ZNF521: variants seen among roughly 807,000 people sequenced by gnomAD.
The protein encoded by ZNF521 is LYST-interacting protein 3.
In ZNF521, 14 loss-of-function variants were observed where a neutral mutation model predicts 105.5. The ratio of observed to expected loss-of-function variants is 0.13; its 90% CI spans 0.09 to 0.21. ZNF521 has a LOEUF of 0.21. Among genes scored for constraint, ZNF521 ranks in the 10% least tolerant of loss-of-function variants. The pLI is 1.00. For synonymous variants in ZNF521, 635 were observed against 606.0 expected, an observed-to-expected ratio of 1.05 and a Z score of -0.70; for missense variants, 1,233 against 1,629.7, an observed-to-expected ratio of 0.76 and a Z score of 4.19.
intron 5 of ZNF521, among the ~76,000 whole-genome samples, chr18:25,169,306 A>G (rs1026483672): frequency 5.3e-5 from 8 of 152,186 alleles, no homozygotes. Flanking sequence ...TGAGAGTTGC[A>G]TGAAAGTGCC....
chr18:25,069,566 C>T (rs1426649302), intron 7 of ZNF521, among the ~76,000 whole-genome samples: 1 of 152,256 alleles, frequency 6.6e-6, no homozygotes, highest in South Asian at 2.1e-4. Context: ...TATATAATTC[C>T]TGGCTGAGGA....
At chr18:25,269,508 C>T (rs538456205) in intron 3 of ZNF521, among the ~76,000 whole-genome samples, 1 of 152,284 alleles carries the variant, frequency 6.6e-6, no homozygotes, top group East Asian at 1.9e-4. Flanking sequence ...CACCACGTAG[C>T]ACTTATTCTA....
intron 5 of ZNF521, among the ~76,000 whole-genome samples, chr18:25,190,597 A>C (rs2035801617): frequency 6.6e-6 from 1 of 152,218 alleles, no homozygotes; most frequent in South Asian, 2.1e-4. Flanking sequence ...AATGCTTCAG[A>C]GGTGATACTG....
At chr18:25,329,276 C>T (rs112899836) in intron 2 of ZNF521, among the ~76,000 whole-genome samples, 8 of 110,336 alleles carry the variant, frequency 7.3e-5, no homozygotes, top group African/African-American at 2.9e-4. Flanking sequence ...TGGTTTTGTC[C>T]ATTTACCCAA....
chr18:25,247,038 C>A (rs574193363), intron 3 of ZNF521, among the ~76,000 whole-genome samples: 1 of 152,176 alleles, frequency 6.6e-6, no homozygotes, highest in Non-Finnish European at 1.5e-5. Context: ...TAGCTACCAC[C>A]CCAGTCCTGC....
intron 3 of ZNF521, among the ~76,000 whole-genome samples, chr18:25,278,771 T>C (rs1483999788): frequency 6.6e-6 from 1 of 152,202 alleles, no homozygotes; most frequent in Non-Finnish European, 1.5e-5. Context: ...TTCTCCACTT[T>C]TAACAAATAA....
chr18:25,081,087 C>T (rs1307798082), intron 7 of ZNF521, among the ~76,000 whole-genome samples: 3 of 151,470 alleles, frequency 2.0e-5, no homozygotes, highest in Non-Finnish European at 4.4e-5. Context: ...GCCAGCAGAG[C>T]CCAGCCAAAG....
At chr18:25,220,800 T>C (rs1451790511) in intron 4 of ZNF521, among the ~76,000 whole-genome samples, 1 of 152,198 alleles carries the variant, frequency 6.6e-6, no homozygotes, top group East Asian at 1.9e-4. Context: ...AATACGTGTT[T>C]CCAAAATCTA....
rs966387047 is a variant in ZNF521, at chr18:25,110,732, G to C, written c.3659-18651C>G. On this transcript the variant is annotated intron_variant, in intron 5 of 7. Coordinates refer to ENST00000361524, the MANE Select transcript of ZNF521 (RefSeq NM_015461.3). ...TTCAAATATAGAAGCACTGTCTCCT[G>C]TATTTATTTCTATCTAAAAAATAAC... Among the ~76,000 whole-genome samples, 26 of 151,184 alleles carry C rather than the reference G, an allele frequency of 1.7e-4. 1 individual carries two copies. Among genetic ancestry groups the C allele is most frequent in the African/African-American group, 5.8e-4 (24 of 41,186 alleles).
chr18:25,345,391 A>G (rs1200469184), intron 2 of ZNF521: 3 of 152,260 alleles, frequency 2.0e-5, no homozygotes, highest in Admixed American at 2.0e-4. Flanking sequence ...TTGCTTTATA[A>G]AAGGCTGCTT....
chr18:25,219,468 G>A (rs1040894258), intron 4 of ZNF521, among the ~76,000 whole-genome samples: 2 of 152,210 alleles, frequency 1.3e-5, no homozygotes, highest in Non-Finnish European at 1.5e-5. Flanking sequence ...GAACATGTGA[G>A]TGGATACGTG....
At chr18:25,128,623 G>T (rs957779179) in intron 5 of ZNF521, among the ~76,000 whole-genome samples, 3 of 151,910 alleles carry the variant, frequency 2.0e-5, no homozygotes, top group Non-Finnish European at 2.9e-5. Flanking sequence ...CAAGATACAA[G>T]GTTGATATAC....
chr18:25,286,529 G>C (rs1308787871), intron 3 of ZNF521, among the ~76,000 whole-genome samples: 2 of 152,132 alleles, frequency 1.3e-5, no homozygotes, highest in Non-Finnish European at 2.9e-5. Flanking sequence ...AATTGAAACA[G>C]ATTTCCAATC....
chr18:25,131,210 T>G (rs2034635362), intron 5 of ZNF521, among the ~76,000 whole-genome samples: 1 of 152,082 alleles, frequency 6.6e-6, no homozygotes, highest in African/African-American at 2.4e-5. Context: ...TCTGAACATA[T>G]CACCCTCATG....
intron 5 of ZNF521, among the ~76,000 whole-genome samples, chr18:25,128,841 A>T (rs6508352): frequency 0.66 from 100,082 of 151,926 alleles, 33,368 homozygotes; most frequent in South Asian, 0.76. Context: ...TGTTAATGGA[A>T]AGAACAACTC....
intron 3 of ZNF521, among the ~76,000 whole-genome samples, chr18:25,275,802 C>T (rs79067711): frequency 6.6e-6 from 1 of 152,158 alleles, no homozygotes; most frequent in Non-Finnish European, 1.5e-5. Context: ...CTTGGGCCTC[C>T]AGGGGTGACC....
intron 5 of ZNF521, among the ~76,000 whole-genome samples, chr18:25,141,376 C>G (rs986815588): frequency 6.6e-6 from 1 of 152,114 alleles, no homozygotes; most frequent in Non-Finnish European, 1.5e-5. Flanking sequence ...CCTTTTAGTA[C>G]CACACTACCC....
At chr18:25,209,458 C>T (rs1278746218) in intron 4 of ZNF521, among the ~76,000 whole-genome samples, 2 of 152,054 alleles carry the variant, frequency 1.3e-5, no homozygotes, top group African/African-American at 2.4e-5. Flanking sequence ...AATTACAAAT[C>T]GTGGCCAAAA....
chr18:25,172,046 T>C (rs1010655831), intron 5 of ZNF521, among the ~76,000 whole-genome samples: 1 of 152,062 alleles, frequency 6.6e-6, no homozygotes, highest in Non-Finnish European at 1.5e-5. Flanking sequence ...AGAGGGGGCA[T>C]GAGGTGGAGA....
Sources: gnomAD v4.1 joint callset for allele counts (sites outside exome capture counted in the v4.1 genomes callset) on GRCh38, gnomAD v4.1.1 for gene constraint, MANE v1.5 for transcripts, NCBI Gene and HGNC (gene_info 2026-07-23, HGNC 2026-07-21) for gene names.